Variants in ANKEF1 observed in about 807,000 individuals in gnomAD.
ANKEF1 encodes the protein ankyrin repeat and EF-hand domain containing 1.
Under a neutral mutation model 65.1 loss-of-function variants are expected in ANKEF1, and 43 were observed. That is an observed-to-expected ratio of 0.66 (90% CI 0.52 to 0.85). ANKEF1 has a LOEUF of 0.85. Ranked by LOEUF, ANKEF1 falls within the 40% of genes least tolerant of loss-of-function variation. ANKEF1 has a pLI of 0.00. For synonymous variants in ANKEF1, 316 were observed against 341.5 expected (o/e 0.93, Z 0.82); for missense variants, 934 against 952.9 (o/e 0.98, Z 0.26).
At position 10,050,216 on chromosome 20, in the gene ANKEF1, C is replaced by A; in HGVS notation, c.1643+4C>A. 6.3e-7 allele frequency: 1 copy of A among 1,595,002 alleles called. No homozygotes were observed. ...TCAAGTTTCTTCTTGAAAAAGGGTA[C>A]GCGTCTCCGTCGGGTGTGGCCTAAA... is the stretch of plus-strand genomic sequence containing the variant. On this transcript the variant is annotated splice_donor_region_variant and intron_variant, in intron 7 of 10. Coordinates refer to ENST00000378392, the MANE Select transcript of ANKEF1 (RefSeq NM_022096.6).
rs1984881177 is a variant in ANKEF1, at chr20:10,051,884, G to A, written c.1865G>A (p.Arg622Lys). The stretch of plus-strand genomic sequence containing the variant: ...GGTGCTAAATTCCAGCTGGAAAATA[G>A]AAAAGGTATGCGTTCATATTATTGA... ...DIGAKFQLEN[R>K]KGHSAMDVAK... Residue 622 changes from arginine to lysine, a missense_variant, in exon 8 of 11, where the codon AGA (arginine) becomes AAA (lysine). Physicochemically the swap from Arg to Lys is conservative, Grantham distance 26. Transcript: ENST00000378392. 3.7e-6 allele frequency: 6 copies of A among 1,603,534 alleles called. No individual in the cohort carries two copies. Among genetic ancestry groups the A allele is most frequent in the Non-Finnish European group, 5.1e-6 (6 of 1,173,798 alleles).
chr20:10,050,701 G>C (rs1161816490), intron 7 of ANKEF1, among the ~76,000 whole-genome samples: 3 of 152,180 alleles, frequency 2.0e-5, no homozygotes, highest in African/African-American at 7.2e-5. Context: ...GGTGAATAGA[G>C]TCTTCTGATT....
chr20:10,038,695 C>A, intron 3 of ANKEF1, 48 bp downstream of exon 3: 1 of 1,407,408 alleles, frequency 7.1e-7, no homozygotes, highest in Non-Finnish European at 9.7e-7. Context: ...CATTTTGTAG[C>A]CAGAAAGCAA....
chr20:10,046,561 TTAA>T (rs1275734116), intron 6 of ANKEF1, among the ~76,000 whole-genome samples: 3 of 147,374 alleles, frequency 2.0e-5, no homozygotes, highest in South Asian at 2.2e-4. Context: ...CATATATAGC[TTAA>T]TGAGTTTCTT....
At position 10,058,055 on chromosome 20, in the gene ANKEF1, G is replaced by A. The variant is rs1008314113; in HGVS notation, c.*2395G>A. The A allele has an allele frequency of 1.3e-5, 2 of 152,140 alleles. No homozygotes were observed. Among genetic ancestry groups the A allele is most frequent in the African/African-American group, 4.8e-5 (2 of 41,446 alleles). 9.4% of individuals were successfully genotyped at this position (152,140 alleles called of 1,614,324 possible). On this transcript the variant is annotated 3_prime_UTR_variant, in exon 11 of 11. Transcript: ENST00000378392. Reference sequence around the variant, plus strand: ...TACAGATGTCATTGCACCCTTCTCAGTACATCATATCAGGAGGCACATGAT... The same window carrying A: ...TACAGATGTCATTGCACCCTTCTCAATACATCATATCAGGAGGCACATGAT...
chr20:10,049,924 C>T lies in ANKEF1; in HGVS notation c.1355C>T (p.Pro452Leu), dbSNP rs150754725. ...CCACGCCGGCAGGATGGTGGGCCAC[C>T]GTATTACATGATTGAGACCTACAAG... The part of the protein sequence containing the change: ...AFPRRQDGGP[P>L]YYMIETYKNV... Residue 452 changes from proline to leucine, a missense_variant, in exon 7 of 11, where the codon CCG becomes CTG. Coordinates refer to ENST00000378392, the MANE Select transcript of ANKEF1 (RefSeq NM_022096.6). The T allele has an allele frequency of 1.9e-5, 30 of 1,613,968 alleles. No individual in the cohort carries two copies. In the African/African-American group the frequency reaches 3.2e-4, roughly 17 times the overall value.
intron 3 of ANKEF1, chr20:10,040,695 C>T (rs1295633270): frequency 6.6e-6 from 1 of 152,146 alleles, no homozygotes; most frequent in Non-Finnish European, 1.5e-5. Flanking sequence ...AAACTGTTTT[C>T]CCTTCAATTT....
Position 10,057,540 on chromosome 20 carries a change from A to G in ANKEF1, c.*1880A>G, listed in dbSNP as rs1368291154. ...TCTATCTCTTTCTCCCTCTACATATATGCATATGTATGTTTAATTTTTGTC... is the reference window on the plus strand; with the variant it reads ...TCTATCTCTTTCTCCCTCTACATATGTGCATATGTATGTTTAATTTTTGTC... On this transcript the variant is annotated 3_prime_UTR_variant, in exon 11 of 11. Coordinates refer to ENST00000378392, the MANE Select transcript of ANKEF1 (RefSeq NM_022096.6). 6.6e-6 allele frequency: 1 copy of G among 152,154 alleles called. No homozygotes were observed. The highest frequency in any genetic ancestry group is 1.9e-4 in the East Asian group (1 of 5,196). 9.4% of individuals were successfully genotyped at this position (152,154 alleles called of 1,614,324 possible).
chr20:10,058,234 G>A lies in ANKEF1; in HGVS notation c.*2574G>A, dbSNP rs1467115681. 1 of 152,118 alleles carries A rather than the reference G, an allele frequency of 6.6e-6. No homozygotes were observed. The highest frequency in any genetic ancestry group is 1.5e-5 in the Non-Finnish European group (1 of 68,000). The allele number at this position is 152,118 out of a possible 1,614,324, so 9.4% of individuals were successfully genotyped here. A position where few individuals can be genotyped will look rare whatever the true frequency, so the allele number is the denominator to read the frequency against. On this transcript the variant is annotated 3_prime_UTR_variant, in exon 11 of 11. Coordinates refer to ENST00000378392, the MANE Select transcript of ANKEF1 (RefSeq NM_022096.6). ...CATAGCCACCTCCTGTTGCTATTGT[G>A]TTGAGTTCAATTGTTGTCTTTTCTC... is the stretch of plus-strand genomic sequence containing the variant.
At chr20:10,051,198 TAAAG>T (rs1369610470) in intron 7 of ANKEF1, among the ~76,000 whole-genome samples, 4 of 152,164 alleles carry the variant, frequency 2.6e-5, no homozygotes, top group Non-Finnish European at 5.9e-5. Flanking sequence ...ACTTTAATGT[TAAAG>T]AAAGACTCAA....
intron 3 of ANKEF1, among the ~76,000 whole-genome samples, chr20:10,040,350 T>C (rs1437234196): frequency 1.3e-5 from 2 of 152,262 alleles, no homozygotes; most frequent in Non-Finnish European, 2.9e-5. Context: ...TGGTGACTCA[T>C]GTTTGACTCA....
rs563749898 is a variant in ANKEF1 at position 10,053,349 on chromosome 20, T to C, written c.2034+74T>C. The stretch of plus-strand genomic sequence containing the variant: ...TCTGTTTGGGGGAAGGCAGAAGCAC[T>C]ATTTACATATTGTTATACAACATGG... On this transcript the variant is annotated intron_variant, in intron 9 of 10. Transcript: ENST00000378392. 3 of 1,336,834 alleles carry C rather than the reference T, an allele frequency of 2.2e-6. No homozygotes were observed. In the Admixed American group the frequency reaches 6.9e-5, roughly 31 times the overall value. The allele number at this position is 1,336,834 out of a possible 1,614,324, so 82.8% of individuals were successfully genotyped here.
rs544003781 is a variant in ANKEF1, at chr20:10,036,558, G to A, written c.-45+916G>A. Reference sequence around the variant, plus strand: ...GTTATAAACAGATTAAAAGGCAAAGGAGGCCTGGCCCGGTGGCTCACGCCT... The same window carrying A: ...GTTATAAACAGATTAAAAGGCAAAGAAGGCCTGGCCCGGTGGCTCACGCCT... On this transcript the variant is annotated intron_variant, in intron 2 of 10. Transcript: ENST00000378392. Among the ~76,000 whole-genome samples, 54 of 152,320 alleles carry A rather than the reference G, an allele frequency of 3.5e-4. 1 individual carries two copies. The highest frequency in any genetic ancestry group is 2.0e-3 in the Admixed American group (31 of 15,306).
rs1451169272 is a variant in ANKEF1, at chr20:10,053,106, C to G, written c.1871-6C>G. 6.4e-7 allele frequency: 1 copy of G among 1,573,310 alleles called. No homozygotes were observed. Among genetic ancestry groups the G allele is most frequent in the African/African-American group, 1.4e-5 (1 of 72,424 alleles). On this transcript the variant is annotated splice_polypyrimidine_tract_variant and splice_region_variant and intron_variant, in intron 8 of 10. Coordinates refer to ENST00000378392, the MANE Select transcript of ANKEF1 (RefSeq NM_022096.6). The stretch of plus-strand genomic sequence containing the variant: ...TCACTCTGAATTTATGTTTATGTTT[C>G]AACAGGGCATAGTGCCATGGACGTT...
At chr20:10,041,242 A>G (rs1241668390) in intron 3 of ANKEF1, among the ~76,000 whole-genome samples, 1 of 151,440 alleles carries the variant, frequency 6.6e-6, no homozygotes, top group East Asian at 1.9e-4. Flanking sequence ...TTTTCTTTAT[A>G]TGCTTGTAAG....
chr20:10,038,617 G>A lies in ANKEF1; in HGVS notation c.316G>A (p.Asp106Asn). The change falls in exon 3 of 11, where the codon GAT (aspartate) becomes AAT (asparagine). Residue 106 changes from aspartate to asparagine, a missense_variant. By Grantham distance (23) the Asp-to-Asn change is conservative. Coordinates refer to ENST00000378392, the MANE Select transcript of ANKEF1 (RefSeq NM_022096.6). ...GGAAATATTAGCAAAGGCAAAGGCT[G>A]ATATGACTATAGTTGATAATGAAGG... is the stretch of plus-strand genomic sequence containing the variant. ...SMEILAKAKA[D>N]MTIVDNEGKG... The A allele has an allele frequency of 6.2e-7, 1 of 1,612,426 alleles. No homozygotes were observed. The highest frequency in any genetic ancestry group is 2.2e-5 in the East Asian group (1 of 44,830).
At chr20:10,036,569 C>T (rs938793401) in intron 2 of ANKEF1, among the ~76,000 whole-genome samples, 11 of 152,302 alleles carry the variant, frequency 7.2e-5, no homozygotes, top group African/African-American at 2.6e-4. Flanking sequence ...AGGCCTGGCC[C>T]GGTGGCTCAC....
intron 5 of ANKEF1, among the ~76,000 whole-genome samples, chr20:10,045,289 G>A (rs929477215): frequency 1.3e-5 from 2 of 152,118 alleles, no homozygotes; most frequent in African/African-American, 4.8e-5. Context: ...ACTCTAGATC[G>A]ATGCTATTTA....
chr20:10,055,585 C>A lies in ANKEF1; in HGVS notation c.2256C>A (p.Phe752Leu), dbSNP rs776549053. The change falls in exon 11 of 11, where the codon TTC (phenylalanine) becomes TTA (leucine). Residue 752 changes from phenylalanine (F) to leucine (L), a missense_variant. Phe to Leu is a conservative substitution (Grantham distance 22). Coordinates refer to ENST00000378392, the MANE Select transcript of ANKEF1 (RefSeq NM_022096.6). ...AGAGGTTTACACATGAGGTGGACTT[C>A]GACGATTTTATGATGCCTTTTCAGA... ...RRERFTHEVD[F>L]DDFMMPFQKN... 1.9e-6 allele frequency: 3 copies of A among 1,613,702 alleles called. No homozygotes were observed. Among genetic ancestry groups the A allele is most frequent in the Non-Finnish European group, 2.5e-6 (3 of 1,179,782 alleles).
Sources: allele counts gnomAD v4.1 joint callset (sites outside exome capture counted in the v4.1 genomes callset), GRCh38; gene constraint gnomAD v4.1.1; transcripts MANE v1.5; gene names NCBI Gene and HGNC (gene_info 2026-07-23, HGNC 2026-07-21).